Variants in EEF1E1 observed in about 807,000 individuals in gnomAD.
EEF1E1 encodes eukaryotic translation elongation factor 1 epsilon-1.
EEF1E1 carries 19 observed loss-of-function variants against 19.9 expected under a neutral mutation model. The ratio of observed to expected loss-of-function variants is 0.95; its 90% CI spans 0.66 to 1.40. The LOEUF (loss-of-function observed/expected upper bound fraction) is 1.40, where lower values mean the gene tolerates loss of function less well. EEF1E1 is among the 40% of genes most tolerant of loss of function. EEF1E1 has a pLI of 0.00. For missense variants in EEF1E1, 198 were observed against 202.2 expected, an observed-to-expected ratio of 0.98 and a Z score of 0.13; for synonymous variants, 81 against 80.0, an observed-to-expected ratio of 1.01 and a Z score of -0.07.
chr6:8,099,472 C>T (rs752186507), intron 1 of EEF1E1, among the ~76,000 whole-genome samples: 8 of 152,092 alleles, frequency 5.3e-5, no homozygotes, highest in South Asian at 4.1e-4. Context: ...TAAGGCTGGG[C>T]GCAGTGGCTC....
In EEF1E1 at chr6:8,079,674, A is replaced by G. The variant is rs1286110834; in HGVS notation, c.*216T>C. The stretch of plus-strand genomic sequence containing the variant: ...CAAGGTTAATTTATAACTGGATCTC[A>G]ACTTGTTTAATAGCAATTGAATTTT... On this transcript the variant is annotated 3_prime_UTR_variant, in exon 4 of 4. Coordinates refer to ENST00000379715, the MANE Select transcript of EEF1E1 (RefSeq NM_004280.5). 5 of 1,237,620 alleles carry G rather than the reference A, an allele frequency of 4.0e-6. No individual in the cohort carries two copies. The highest frequency in any genetic ancestry group is 4.1e-6 in the Non-Finnish European group (4 of 986,300). The allele number at this position is 1,237,620 out of a possible 1,614,324, so 76.7% of individuals were successfully genotyped here. A position where few individuals can be genotyped will look rare whatever the true frequency, so the allele number is the denominator to read the frequency against.
Position 8,096,533 on chromosome 6 carries a change from C to T in EEF1E1, c.288+734G>A, listed in dbSNP as rs532869290. ...AGGAAGACCTTTCTTGTACAACTTACATTGCCAGGATATAACAATCAGAAT... is the reference window on the plus strand; with the variant it reads ...AGGAAGACCTTTCTTGTACAACTTATATTGCCAGGATATAACAATCAGAAT... On this transcript the variant is annotated intron_variant, in intron 2 of 3. Transcript: ENST00000379715. 2.0e-5 allele frequency among the ~76,000 whole-genome samples: 3 copies of T among 152,316 alleles called. No homozygotes were observed. In the South Asian group the frequency reaches 6.2e-4, roughly 32 times the overall value.
chr6:8,087,578 C>T (rs1757895934), intron 3 of EEF1E1, among the ~76,000 whole-genome samples: 1 of 152,240 alleles, frequency 6.6e-6, no homozygotes, highest in South Asian at 2.1e-4. Context: ...GTCTCAAACT[C>T]CTGACCTCAA....
rs1233531937 is a variant in EEF1E1, at chr6:8,101,244, ATATATATATATATATAT to A, written c.87+1174_87+1190del. Reference sequence around the variant, plus strand: ...TTGTCTCAAAAAAAAAAAAAAAAAAATATATATATATATATATATATATATATATATATATATATGGC... The same window carrying A: ...TTGTCTCAAAAAAAAAAAAAAAAAAAATATATATATATATATATATATGGC... On this transcript the variant is annotated intron_variant, in intron 1 of 3. Coordinates refer to ENST00000379715, the MANE Select transcript of EEF1E1 (RefSeq NM_004280.5). Among the ~76,000 whole-genome samples, 20 of 41,642 alleles carry A rather than the reference ATATATATATATATATAT, an allele frequency of 4.8e-4. 2 individuals carry two copies. The highest frequency in any genetic ancestry group is 1.4e-3 in the East Asian group (2 of 1,424). 27.3% of individuals were successfully genotyped at this position (41,642 alleles called of 152,430 possible).
rs151021146 is a variant in EEF1E1 at position 8,093,064 on chromosome 6, C to T, written c.289-2783G>A. Among the ~76,000 whole-genome samples the T allele has an allele frequency of 7.7e-3, 1,174 of 151,712 alleles. 14 individuals are homozygous for T. The highest frequency in any genetic ancestry group is 0.026 in the African/African-American group (1,093 of 41,400). ...TTTTTTGTATTTTTAGTGGAGACAGCGGTTTCACTATGTTGGCCAGGCTGG... is the reference window on the plus strand; with the variant it reads ...TTTTTTGTATTTTTAGTGGAGACAGTGGTTTCACTATGTTGGCCAGGCTGG... On this transcript the variant is annotated intron_variant, in intron 2 of 3. Transcript: ENST00000379715.
chr6:8,077,895 G>GCT (rs1231997330), downstream of EEF1E1, among the ~76,000 whole-genome samples: 12 of 152,224 alleles, frequency 7.9e-5, no homozygotes, highest in Middle Eastern at 3.4e-3. Flanking sequence ...AGGCTCAGGT[G>GCT]ATCCTCCCAC....
intron 3 of EEF1E1, among the ~76,000 whole-genome samples, chr6:8,074,055 G>C (rs1474536054): frequency 1.3e-5 from 2 of 152,208 alleles, no homozygotes. Flanking sequence ...AAGGTTGGGA[G>C]AGAAGCCTTT....
chr6:8,099,896 C>G (rs1758297285), intron 1 of EEF1E1, among the ~76,000 whole-genome samples: 1 of 151,884 alleles, frequency 6.6e-6, no homozygotes, highest in Admixed American at 6.6e-5. Flanking sequence ...GACTGTATGT[C>G]AATGTGTTGA....
At position 8,097,286 on chromosome 6, in the gene EEF1E1, T is replaced by C. The variant is rs1172840059; in HGVS notation, c.269A>G (p.Asp90Gly). 1 of 1,614,230 alleles carries C rather than the reference T, an allele frequency of 6.2e-7. No individual in the cohort carries two copies. Among genetic ancestry groups the C allele is most frequent in the Non-Finnish European group, 8.5e-7 (1 of 1,180,024 alleles). ...CGATACCTTCAACAGTGTGTGGATG[T>C]CATTTTTACTGGAGTGCCCATCTAC... ...TQVDGHSSKN[D>G]IHTLLKDLNS... The change falls in exon 2 of 4, where the codon GAC (aspartate) becomes GGC (glycine). Residue 90 changes from aspartate to glycine, a missense_variant. Asp to Gly is a moderately conservative substitution (Grantham distance 94). Transcript: ENST00000379715.
At chr6:8,078,574 G>A, downstream of EEF1E1, 1 of 1,010,930 alleles carries the variant, frequency 9.9e-7, no homozygotes, top group African/African-American at 1.7e-5. Flanking sequence ...CTCGAAGCAG[G>A]GTTGCCACAA....
Position 8,097,325 on chromosome 6 carries a change from T to TA in EEF1E1, c.229dup (p.Tyr77LeufsTer12). On this transcript the variant is annotated frameshift_variant, in exon 2 of 4. Coordinates refer to ENST00000379715, the MANE Select transcript of EEF1E1 (RefSeq NM_004280.5). LOFTEE classifies it high-confidence loss of function. The stretch of plus-strand genomic sequence containing the variant: ...GTGCCCATCTACTTGAGTGACCCTG[T>TA]ATTCTAACCACTGCTGAACGATTGC... The TA allele has an allele frequency of 6.2e-7, 1 of 1,614,224 alleles. No homozygotes were observed. The highest frequency in any genetic ancestry group is 8.5e-7 in the Non-Finnish European group (1 of 1,180,040).
chr6:8,080,090 A>T, intron 3 of EEF1E1, 60 bp from the exon 4 acceptor site: 4 of 1,562,178 alleles, frequency 2.6e-6, no homozygotes, highest in Non-Finnish European at 3.5e-6. Context: ...ACAACTGTTA[A>T]TATCACTTAA....
downstream of EEF1E1, chr6:8,078,648 C>A: frequency 8.0e-7 from 1 of 1,248,662 alleles, no homozygotes; most frequent in Admixed American, 2.6e-5. Context: ...ACACACCTGG[C>A]CTGTGAAGTC....
intron 2 of EEF1E1, among the ~76,000 whole-genome samples, chr6:8,091,357 C>A (rs2075356280): frequency 6.6e-6 from 1 of 152,158 alleles, no homozygotes; most frequent in Non-Finnish European, 1.5e-5. Flanking sequence ...ATACTAAAGT[C>A]CTTTGCCACT....
intron 3 of EEF1E1, among the ~76,000 whole-genome samples, chr6:8,082,784 A>G (rs996206555): frequency 6.6e-6 from 1 of 152,176 alleles, no homozygotes; most frequent in Non-Finnish European, 1.5e-5. Context: ...AGTCTGAGAT[A>G]ATTATGAATG....
At chr6:8,082,925 C>G (rs372770299) in intron 3 of EEF1E1, among the ~76,000 whole-genome samples, 5 of 152,188 alleles carry the variant, frequency 3.3e-5, no homozygotes, top group African/African-American at 1.2e-4. Context: ...ATGGGATCTC[C>G]CAGACTATTT....
downstream of EEF1E1, among the ~76,000 whole-genome samples, chr6:8,077,358 C>T (rs1757625168): frequency 6.6e-6 from 1 of 152,164 alleles, no homozygotes; most frequent in Non-Finnish European, 1.5e-5. Flanking sequence ...GTCAGTTGGT[C>T]CTTTGAAGCT....
intron 2 of EEF1E1, 73 bp from the exon 3 acceptor site, chr6:8,090,354 C>A: frequency 9.0e-7 from 1 of 1,115,184 alleles, no homozygotes; most frequent in South Asian, 2.7e-5. Context: ...CATATCATGA[C>A]TTAAAAGATT....
At chr6:8,075,953 A>T (rs1012353487), downstream of EEF1E1, among the ~76,000 whole-genome samples, 1 of 152,042 alleles carries the variant, frequency 6.6e-6, no homozygotes, top group African/African-American at 2.4e-5. Flanking sequence ...TTAAGAAACC[A>T]CTTTCTTTGT....
Sources: gnomAD v4.1 joint callset for allele counts (sites outside exome capture counted in the v4.1 genomes callset) on GRCh38, gnomAD v4.1.1 for gene constraint, MANE v1.5 for transcripts, NCBI Gene and HGNC (gene_info 2026-07-23, HGNC 2026-07-21) for gene names.